The following PHF8 variants were observed in gnomAD, a reference collection of about 807,000 sequenced individuals.
The protein encoded by PHF8 is histone lysine demethylase PHF8.
A neutral mutation model predicts 74.4 loss-of-function variants in PHF8; 9 were observed. That is an observed-to-expected ratio of 0.12 (90% CI 0.07 to 0.21). The LOEUF is 0.21. Among genes scored for constraint, PHF8 ranks in the 10% least tolerant of loss-of-function variants. The probability of loss-of-function intolerance (pLI) is 1.00; values close to 1 mark genes in which losing one functional copy is unlikely to be tolerated. For missense variants in PHF8, 478 were observed against 816.6 expected, an observed-to-expected ratio of 0.59 and a Z score of 5.05; for synonymous variants, 311 against 316.6, an observed-to-expected ratio of 0.98 and a Z score of 0.19.
chrX:53,954,490 ACT>A lies in PHF8; in HGVS notation c.2539+8352_2539+8353del, dbSNP rs1458997862. Among the ~76,000 whole-genome samples, 7 of 74,733 alleles carry A rather than the reference ACT, an allele frequency of 9.4e-5. No individual in the cohort carries two copies. The South Asian group carries it at 2.2e-3, about 24-fold the overall frequency. 64.9% of individuals were successfully genotyped at this position (74,733 alleles called of 115,157 possible). On this transcript the variant is annotated intron_variant, in intron 19 of 21. Coordinates refer to ENST00000338154, the MANE Select transcript of PHF8 (RefSeq NM_015107.3). ...ACTCCAGCCTGGGTGACAGAGCAAG[ACT>A]CTGTCTCAAAAAAAAAAAAAAAAAA...
At chrX:53,957,445 C>T (rs891739128) in intron 19 of PHF8, among the ~76,000 whole-genome samples, 1 of 110,255 alleles carries the variant, frequency 9.1e-6, no homozygotes, top group Non-Finnish European at 1.9e-5. Context: ...TGCTTGAACC[C>T]GGGAGGCAGA....
upstream of PHF8, among the ~76,000 whole-genome samples, chrX:54,048,129 C>T (rs1373035375): frequency 9.3e-6 from 1 of 107,401 alleles, no homozygotes; most frequent in African/African-American, 3.4e-5. Flanking sequence ...GCAGAGCTTG[C>T]GGTGAGCCGA....
Position 53,969,478 on chromosome X carries a change from C to T in PHF8, c.2444-6539G>A, listed in dbSNP as rs782302129. On this transcript the variant is annotated intron_variant, in intron 18 of 21. Coordinates refer to ENST00000338154, the MANE Select transcript of PHF8 (RefSeq NM_015107.3). ...GATGAAAAAAATTGAAGGGGACACACAAAAAATGGAAAGATAGCATATGCA... is the reference window on the plus strand; with the variant it reads ...GATGAAAAAAATTGAAGGGGACACATAAAAAATGGAAAGATAGCATATGCA... Among the ~76,000 whole-genome samples the T allele has an allele frequency of 1.1e-4, 12 of 111,352 alleles. No individual in the cohort carries two copies. In the East Asian group the frequency reaches 1.4e-3, roughly 13 times the overall value.
chrX:54,045,175 G>T (rs781897597), upstream of PHF8: 28 of 286,826 alleles, frequency 9.8e-5, no homozygotes, highest in Non-Finnish European at 1.3e-4. Context: ...ACAGTTCAAG[G>T]ATTTGTTTGC....
Position 53,939,090 on chromosome X carries a change from G to A in PHF8, c.*68C>T, listed in dbSNP as rs1383860917. The A allele has an allele frequency of 1.7e-6, 2 of 1,191,513 alleles. No individual in the cohort carries two copies. Among genetic ancestry groups the A allele is most frequent in the African/African-American group, 3.5e-5 (2 of 56,508 alleles). Reference sequence around the variant, plus strand: ...TGTCCAGGGCAGATAGGATCCAGGAGTGCCCCAAGAGTTGACAATGGAGAA... The same window carrying A: ...TGTCCAGGGCAGATAGGATCCAGGAATGCCCCAAGAGTTGACAATGGAGAA... On this transcript the variant is annotated 3_prime_UTR_variant, in exon 22 of 22. Transcript: ENST00000338154.
At chrX:54,036,937 T>C (rs1440037232) in intron 2 of PHF8, among the ~76,000 whole-genome samples, 7 of 101,940 alleles carry the variant, frequency 6.9e-5, no homozygotes, top group African/African-American at 2.2e-4. Flanking sequence ...GAGGTGGAGG[T>C]TGCAGCGAGC....
chrX:54,011,018 T>C, intron 8 of PHF8, 104 bp downstream of exon 8: 1 of 743,570 alleles, frequency 1.3e-6, no homozygotes, highest in Non-Finnish European at 2.1e-6. Flanking sequence ...TTCGCTGATA[T>C]GAGAAAGACA....
chrX:54,005,581 C>T (rs1282551998), intron 8 of PHF8, among the ~76,000 whole-genome samples: 1 of 101,775 alleles, frequency 9.8e-6, no homozygotes, highest in Non-Finnish European at 2.0e-5. Flanking sequence ...CAAAGAAATC[C>T]ACACCAAAAA....
intron 8 of PHF8, among the ~76,000 whole-genome samples, chrX:54,004,736 C>G (rs985383280): frequency 9.1e-6 from 1 of 110,104 alleles, no homozygotes; most frequent in Non-Finnish European, 1.9e-5. Context: ...TCAGACCAGC[C>G]TGATCAGCAT....
intron 2 of PHF8, among the ~76,000 whole-genome samples, chrX:54,037,013 AAAAAG>A (rs1431357308): frequency 3.7e-5 from 4 of 108,884 alleles, no homozygotes; most frequent in Non-Finnish European, 5.7e-5. Flanking sequence ...AAAAAAAAAA[AAAAAG>A]AAAAGAAAGT....
chrX:54,046,109 C>T (rs191208502), upstream of PHF8, among the ~76,000 whole-genome samples: 36 of 110,917 alleles, frequency 3.2e-4, no homozygotes, highest in African/African-American at 1.1e-3. Context: ...CCACCACACT[C>T]GGTTATTTTT....
intron 20 of PHF8, among the ~76,000 whole-genome samples, chrX:53,943,778 G>C (rs1366968468): frequency 1.8e-5 from 2 of 111,990 alleles, no homozygotes; most frequent in African/African-American, 3.2e-5. Context: ...CTGAGAACTT[G>C]AGCGTACTCA....
intron 2 of PHF8, among the ~76,000 whole-genome samples, chrX:54,025,226 C>T (rs1557111175): frequency 9.0e-6 from 1 of 111,268 alleles, no homozygotes; most frequent in African/African-American, 3.3e-5. Flanking sequence ...ATAAAAGGAT[C>T]GGCCCATTAT....
At chrX:53,984,748 G>C (rs1279580413) in intron 18 of PHF8, among the ~76,000 whole-genome samples, 166 bp downstream of exon 18, 1 of 112,221 alleles carries the variant, frequency 8.9e-6, no homozygotes, top group Admixed American at 9.5e-5. Context: ...TAACCTGTGA[G>C]ATATTCCCAT....
At chrX:53,970,286 C>T (rs782328725) in intron 18 of PHF8, among the ~76,000 whole-genome samples, 2 of 111,502 alleles carry the variant, frequency 1.8e-5, no homozygotes, top group Admixed American at 1.9e-4. Context: ...TAGCAAAAAA[C>T]AAATAATCCA....
At chrX:53,949,261 G>A (rs1162180644) in intron 19 of PHF8, among the ~76,000 whole-genome samples, 6 of 110,231 alleles carry the variant, frequency 5.4e-5, no homozygotes, top group Non-Finnish European at 9.5e-5. Flanking sequence ...CTTGAACCCC[G>A]AGGGCAGAGA....
rs1557101745 is a variant in PHF8, at chrX:53,992,785, C to T, written c.1681G>A (p.Asp561Asn). 8.3e-7 allele frequency: 1 copy of T among 1,205,985 alleles called. No individual in the cohort carries two copies. ...AATGGGCTCTCATTTCCATCAAGGTCCAAGTCTGGTGAGTCGTCATCTGAG... is the reference window on the plus strand; with the variant it reads ...AATGGGCTCTCATTTCCATCAAGGTTCAAGTCTGGTGAGTCGTCATCTGAG... ...NDSDDDSPDL[D>N]LDGNESPLAL... The change falls in exon 14 of 22, where the codon GAC becomes AAC. Residue 561 changes from aspartate to asparagine, a missense_variant. Physicochemically the swap from Asp to Asn is conservative, Grantham distance 23. Coordinates refer to ENST00000338154, the MANE Select transcript of PHF8 (RefSeq NM_015107.3).
chrX:53,945,703 T>TC (rs2064823799), intron 19 of PHF8, among the ~76,000 whole-genome samples: 1 of 110,386 alleles, frequency 9.1e-6, no homozygotes. Context: ...TCATCCTCTC[T>TC]CCCTATGCTT....
intron 18 of PHF8, among the ~76,000 whole-genome samples, chrX:53,966,404 G>T (rs1191852584): frequency 1.8e-5 from 2 of 112,716 alleles, no homozygotes; most frequent in African/African-American, 6.4e-5. Flanking sequence ...ACTGGTTTTC[G>T]TATTTTTTTG....
Sources: allele counts gnomAD v4.1 joint callset (sites outside exome capture counted in the v4.1 genomes callset), GRCh38; gene constraint gnomAD v4.1.1; transcripts MANE v1.5; gene names NCBI Gene and HGNC (gene_info 2026-07-23, HGNC 2026-07-21).